The following RUBCNL variants were observed in gnomAD, a reference collection of about 807,000 sequenced individuals.
RUBCNL encodes protein associated with UVRAG as autophagy enhancer.
Under a neutral mutation model 69.5 loss-of-function variants are expected in RUBCNL, and 62 were observed. The ratio of observed to expected loss-of-function variants is 0.89; its 90% CI spans 0.73 to 1.10. The LOEUF (loss-of-function observed/expected upper bound fraction) is 1.10, where lower values mean the gene tolerates loss of function less well. RUBCNL is among the 50% of genes least tolerant of loss of function. The pLI, the probability that RUBCNL is intolerant of heterozygous loss-of-function variation, is 0.00. For synonymous variants in RUBCNL, 291 were observed against 303.6 expected (o/e 0.96, Z 0.43); for missense variants, 768 against 798.1 (o/e 0.96, Z 0.45).
Position 46,335,851 on chromosome 13 carries a change from T to C in RUBCNL, c.*7534A>G, listed in dbSNP as rs551132773. The stretch of plus-strand genomic sequence containing the variant: ...GGAAAAGCCTGTAAAGAAATACTAA[T>C]ACAAGCACAGCTATCAGTGGGCTGC... On this transcript the variant is annotated 3_prime_UTR_variant, in exon 15 of 15. Coordinates refer to ENST00000429979, the MANE Select transcript of RUBCNL (RefSeq NM_025113.5). 1.3e-5 allele frequency among the ~76,000 whole-genome samples: 2 copies of C among 152,268 alleles called. No individual in the cohort carries two copies. Among genetic ancestry groups the C allele is most frequent in the South Asian group, 2.1e-4 (1 of 4,818 alleles).
chr13:46,349,399 G>A, intron 11 of RUBCNL, 52 bp from the exon 12 acceptor site: 1 of 1,500,368 alleles, frequency 6.7e-7, no homozygotes, highest in Non-Finnish European at 9.3e-7. Flanking sequence ...AAATGACACG[G>A]GAAAAGTGCA....
rs76117113 is a variant in RUBCNL at position 46,360,304 on chromosome 13, C to T, written c.1120-673G>A. 5.6e-3 allele frequency among the ~76,000 whole-genome samples: 857 copies of T among 152,214 alleles called. 7 individuals carry two copies. The highest frequency in any genetic ancestry group is 0.02 in the African/African-American group (826 of 41,540). On this transcript the variant is annotated intron_variant, in intron 8 of 14. Transcript: ENST00000429979. ...AGTGAGTCGAGCTTGTGCCACTGCA[C>T]TCCACCCTGGGCAACAGAGTGAGAC...
At chr13:46,364,578 C>T (rs933720090) in intron 5 of RUBCNL, among the ~76,000 whole-genome samples, 2 of 150,810 alleles carry the variant, frequency 1.3e-5, no homozygotes, top group Non-Finnish European at 2.9e-5. Flanking sequence ...TCCATAGTAA[C>T]GTACAATTTA....
intron 3 of RUBCNL, among the ~76,000 whole-genome samples, chr13:46,369,742 T>C (rs1032326678): frequency 2.4e-4 from 37 of 152,362 alleles, no homozygotes; most frequent in African/African-American, 8.2e-4. Flanking sequence ...CAAAAATTTC[T>C]GTGTCAAGAG....
chr13:46,335,244 T>C lies in RUBCNL; in HGVS notation c.*8141A>G, dbSNP rs1481861931. Among the ~76,000 whole-genome samples, 1 of 122,258 alleles carries C rather than the reference T, an allele frequency of 8.2e-6. No homozygotes were observed. The highest frequency in any genetic ancestry group is 2.3e-4 in the East Asian group (1 of 4,370). The allele number at this position is 122,258 out of a possible 152,430, so 80.2% of individuals were successfully genotyped here. A position where few individuals can be genotyped will look rare whatever the true frequency, so the allele number is the denominator to read the frequency against. On this transcript the variant is annotated 3_prime_UTR_variant, in exon 15 of 15. Transcript: ENST00000429979. ...TGTGCCCAGCTAATTTGTGTCTTTT[T>C]GTTGTTGTTGTTGTTGTTTTTTTTT...
chr13:46,382,669 G>A (rs1294321950), intron 1 of RUBCNL, among the ~76,000 whole-genome samples: 1 of 152,106 alleles, frequency 6.6e-6, no homozygotes, highest in African/African-American at 2.4e-5. Flanking sequence ...AAGTAGCTGG[G>A]ATTACAGGCG....
intron 10 of RUBCNL, among the ~76,000 whole-genome samples, chr13:46,353,119 G>A (rs978007209): frequency 2.0e-5 from 3 of 152,196 alleles, no homozygotes; most frequent in African/African-American, 7.2e-5. Flanking sequence ...CGCTGCATTC[G>A]ATGGTGGGAA....
At chr13:46,348,185 A>C (rs1469704908) in intron 12 of RUBCNL, among the ~76,000 whole-genome samples, 2 of 152,194 alleles carry the variant, frequency 1.3e-5, no homozygotes, top group Non-Finnish European at 2.9e-5. Flanking sequence ...GCTAAGAGGA[A>C]GAGGGAATGG....
intron 5 of RUBCNL, among the ~76,000 whole-genome samples, chr13:46,367,704 T>C (rs1027625881): frequency 1.3e-5 from 2 of 152,182 alleles, no homozygotes; most frequent in South Asian, 2.1e-4. Context: ...AAATATTCAA[T>C]GAAAAGTTCC....
chr13:46,366,290 C>T (rs990839532), intron 5 of RUBCNL, among the ~76,000 whole-genome samples: 6 of 152,146 alleles, frequency 3.9e-5, no homozygotes, highest in Admixed American at 3.9e-4. Flanking sequence ...GACTGAGGGT[C>T]CTGCAAAACT....
intron 13 of RUBCNL, 66 bp from the exon 14 acceptor site, chr13:46,344,897 C>A: frequency 9.8e-7 from 1 of 1,022,304 alleles, no homozygotes; most frequent in Non-Finnish European, 1.5e-6. Context: ...TTCACTATTA[C>A]AGAACTTTAT....
chr13:46,353,068 C>T lies in RUBCNL; in HGVS notation c.1331-2717G>A, dbSNP rs555488553. ...AGGATTCCAACCCAAGCCTGGACTG[C>T]GAAAGCTCCAGCCCACAGCCATCAT... On this transcript the variant is annotated intron_variant, in intron 10 of 14. Transcript: ENST00000429979. 9.2e-5 allele frequency among the ~76,000 whole-genome samples: 14 copies of T among 152,242 alleles called. No individual in the cohort carries two copies. The East Asian group carries it at 1.7e-3, about 19-fold the overall frequency.
intron 10 of RUBCNL, chr13:46,354,626 A>C: frequency 2.6e-6 from 1 of 377,524 alleles, no homozygotes. Context: ...GAACACCCCT[A>C]CTTCTGTGGG....
intron 10 of RUBCNL, among the ~76,000 whole-genome samples, chr13:46,354,460 A>G (rs1278136880): frequency 6.6e-6 from 1 of 152,224 alleles, no homozygotes; most frequent in African/African-American, 2.4e-5. Flanking sequence ...AATGTATCCT[A>G]GAAGCTAGAG....
rs2048173283 is a variant in RUBCNL, at chr13:46,343,338, T to C, written c.*47A>G. On this transcript the variant is annotated 3_prime_UTR_variant, in exon 15 of 15. Transcript: ENST00000429979. The stretch of plus-strand genomic sequence containing the variant: ...CACCAATAATAGACACAAATCGGTG[T>C]TATCATAAGGCATGTTGAACAGTCT... 6.3e-7 allele frequency: 1 copy of C among 1,593,924 alleles called. No individual in the cohort carries two copies. Among genetic ancestry groups the C allele is most frequent in the Non-Finnish European group, 8.6e-7 (1 of 1,168,224 alleles).
At chr13:46,354,113 G>GA (rs1298813196) in intron 10 of RUBCNL, among the ~76,000 whole-genome samples, 11 of 152,148 alleles carry the variant, frequency 7.2e-5, no homozygotes, top group African/African-American at 2.7e-4. Context: ...TTTTTGGTGT[G>GA]ATAACTTGTT....
intron 14 of RUBCNL, among the ~76,000 whole-genome samples, chr13:46,344,093 C>CT (rs1344156007): frequency 6.6e-6 from 1 of 152,144 alleles, no homozygotes. Flanking sequence ...GAACATGAAA[C>CT]TTTTTGTAGG....
At chr13:46,376,387 A>G (rs2032181400) in intron 2 of RUBCNL, among the ~76,000 whole-genome samples, 1 of 152,166 alleles carries the variant, frequency 6.6e-6, no homozygotes, top group South Asian at 2.1e-4. Context: ...TGTAACATAC[A>G]TATATAAACA....
At position 46,356,513 on chromosome 13, in the gene RUBCNL, A is replaced by C. The variant is rs1181997260; in HGVS notation, c.1266-17T>G. The C allele has an allele frequency of 6.2e-7, 1 of 1,611,216 alleles. No homozygotes were observed. Among genetic ancestry groups the C allele is most frequent in the Non-Finnish European group, 8.5e-7 (1 of 1,178,314 alleles). Reference sequence around the variant, plus strand: ...AGGTCCCTCCTGAATACGAAAAATAATACTAGTTACATTTCAGAGAAGGCC... The same window carrying C: ...AGGTCCCTCCTGAATACGAAAAATACTACTAGTTACATTTCAGAGAAGGCC... On this transcript the variant is annotated splice_polypyrimidine_tract_variant and intron_variant, in intron 9 of 14. Coordinates refer to ENST00000429979, the MANE Select transcript of RUBCNL (RefSeq NM_025113.5).
Sources: gnomAD v4.1 joint callset for allele counts (sites outside exome capture counted in the v4.1 genomes callset) on GRCh38, gnomAD v4.1.1 for gene constraint, MANE v1.5 for transcripts, NCBI Gene and HGNC (gene_info 2026-07-23, HGNC 2026-07-21) for gene names.